The following KHDRBS2 variants were observed in gnomAD, a reference collection of about 807,000 sequenced individuals.
KHDRBS2 encodes the protein KH RNA binding domain containing, signal transduction associated 2, also known as KH domain-containing, RNA-binding, signal transduction-associated protein 2.
KHDRBS2 carries 26 observed loss-of-function variants against 44.3 expected under a neutral mutation model. That is an observed-to-expected ratio of 0.59 (90% confidence interval 0.43 to 0.81). KHDRBS2 has a LOEUF of 0.81. KHDRBS2 is among the 40% of genes least tolerant of loss of function. The probability of loss-of-function intolerance (pLI) is 0.00; values close to 1 mark genes in which losing one functional copy is unlikely to be tolerated. For missense variants in KHDRBS2, 476 were observed against 433.1 expected (o/e 1.10, Z -0.88); for synonymous variants, 194 against 151.1 (o/e 1.28, Z -2.08).
the KHDRBS2 span, among the ~76,000 whole-genome samples, chr6:61,581,872 CA>C: frequency 2.0e-5 from 3 of 151,124 alleles, no homozygotes; most frequent in Admixed American, 6.6e-5. Flanking sequence ...CATGAATCTT[CA>C]AAAATTTACC....
chr6:61,737,119 T>C (rs1439275031), intron 6 of KHDRBS2, among the ~76,000 whole-genome samples: 1 of 152,130 alleles, frequency 6.6e-6, no homozygotes, highest in Non-Finnish European at 1.5e-5. Context: ...ATGTTTCAAA[T>C]GATAAATATA....
chr6:61,955,288 G>T (rs1395269437), intron 4 of KHDRBS2, among the ~76,000 whole-genome samples: 13 of 129,254 alleles, frequency 1.0e-4, no homozygotes, highest in Admixed American at 7.0e-4. Flanking sequence ...ATACTCATAC[G>T]TATGTATGTA....
intron 5 of KHDRBS2, among the ~76,000 whole-genome samples, chr6:61,898,090 A>C: frequency 6.6e-6 from 1 of 152,204 alleles, no homozygotes; most frequent in South Asian, 2.1e-4. Context: ...GTTTTAATTA[A>C]ATACACTTTC....
chr6:61,549,146 G>A, the KHDRBS2 span, among the ~76,000 whole-genome samples: 1 of 152,120 alleles, frequency 6.6e-6, no homozygotes, highest in African/African-American at 2.4e-5. Flanking sequence ...ATTAAGGAGG[G>A]CATCTTCTTG....
the KHDRBS2 span, among the ~76,000 whole-genome samples, chr6:61,627,252 CAAAAAAAAAAAAAAAAA>C: frequency 2.1e-4 from 16 of 76,122 alleles, no homozygotes; most frequent in Non-Finnish European, 2.9e-4. Flanking sequence ...GACTCCGTCT[CAAAAAAAAAAAAAAAAA>C]AAAAAAAAAA....
chr6:62,099,810 A>T (rs553096480), intron 2 of KHDRBS2, among the ~76,000 whole-genome samples: 3 of 152,180 alleles, frequency 2.0e-5, no homozygotes, highest in African/African-American at 7.2e-5. Context: ...CATTGACAAC[A>T]CACCTAATCA....
chr6:62,180,557 T>A (rs1403559027), intron 1 of KHDRBS2, among the ~76,000 whole-genome samples: 1 of 151,754 alleles, frequency 6.6e-6, no homozygotes, highest in East Asian at 1.9e-4. Flanking sequence ...CAAAAATAAA[T>A]GAAAAGACAC....
At chr6:62,077,519 T>C (rs1796581120) in intron 2 of KHDRBS2, among the ~76,000 whole-genome samples, 1 of 152,044 alleles carries the variant, frequency 6.6e-6, no homozygotes, top group Non-Finnish European at 1.5e-5. Context: ...TGAGGCAATT[T>C]TCCAAGGTCT....
At chr6:62,022,757 T>A (rs1432856500) in intron 3 of KHDRBS2, among the ~76,000 whole-genome samples, 1 of 151,758 alleles carries the variant, frequency 6.6e-6, no homozygotes, top group African/African-American at 2.4e-5. Flanking sequence ...GAATTCTCAT[T>A]TCATCAATGT....
At chr6:62,189,219 G>A (rs922296890) in intron 1 of KHDRBS2, among the ~76,000 whole-genome samples, 2 of 152,044 alleles carry the variant, frequency 1.3e-5, no homozygotes, top group African/African-American at 2.4e-5. Flanking sequence ...GCCCTATGTA[G>A]AGGTCCATGT....
At chr6:61,835,715 G>GTGTA in intron 6 of KHDRBS2, among the ~76,000 whole-genome samples, 1 of 148,346 alleles carries the variant, frequency 6.7e-6, no homozygotes, top group Non-Finnish European at 1.5e-5. Flanking sequence ...GTGTGCGTGT[G>GTGTA]TGTGTGTGTG....
intron 6 of KHDRBS2, among the ~76,000 whole-genome samples, chr6:61,853,235 CTCTCTAGAGTCTA>C (rs770987561): frequency 4.5e-4 from 69 of 152,150 alleles, no homozygotes; most frequent in Non-Finnish European, 9.4e-4. Flanking sequence ...TAAGCTACAA[CTCTCTAGAGTCTA>C]TCTCCAAATC....
intron 4 of KHDRBS2, among the ~76,000 whole-genome samples, chr6:61,949,862 C>A (rs1383864463): frequency 6.6e-6 from 1 of 151,988 alleles, no homozygotes; most frequent in Non-Finnish European, 1.5e-5. Flanking sequence ...ATCTCCCATT[C>A]TTTTACCTCA....
intron 2 of KHDRBS2, among the ~76,000 whole-genome samples, chr6:62,105,625 C>T (rs1347377988): frequency 6.6e-6 from 1 of 152,052 alleles, no homozygotes; most frequent in Non-Finnish European, 1.5e-5. Context: ...GTGGTGATAT[C>T]CCCTTTATCA....
At chr6:62,007,265 C>T (rs1395896291) in intron 3 of KHDRBS2, among the ~76,000 whole-genome samples, 1 of 152,056 alleles carries the variant, frequency 6.6e-6, no homozygotes, top group Non-Finnish European at 1.5e-5. Context: ...TACTTTTCAA[C>T]ACCTTTAAAT....
At chr6:61,559,601 C>A in the KHDRBS2 span, among the ~76,000 whole-genome samples, 2 of 152,016 alleles carry the variant, frequency 1.3e-5, no homozygotes, top group Non-Finnish European at 2.9e-5. Context: ...TTGAAGTAAC[C>A]ATGAAGCTTG....
chr6:62,240,691 T>C (rs1349165509), intron 1 of KHDRBS2, among the ~76,000 whole-genome samples: 2 of 126,092 alleles, frequency 1.6e-5, no homozygotes, highest in Non-Finnish European at 3.4e-5. Flanking sequence ...TATATATATA[T>C]ATATATATAT....
chr6:62,050,437 A>G (rs1306431191), intron 2 of KHDRBS2, among the ~76,000 whole-genome samples: 1 of 151,972 alleles, frequency 6.6e-6, no homozygotes, highest in Non-Finnish European at 1.5e-5. Flanking sequence ...GTTAAAAAAA[A>G]AAAAGGGGGT....
chr6:61,597,732 T>TTA, the KHDRBS2 span, among the ~76,000 whole-genome samples: 1,017 of 37,356 alleles, frequency 0.027, 150 homozygotes, highest in Admixed American at 0.082. Context: ...TTTGCACCTT[T>TTA]TATATATATA....
Sources: allele counts gnomAD v4.1 joint callset (sites outside exome capture counted in the v4.1 genomes callset), GRCh38; gene constraint gnomAD v4.1.1; transcripts MANE v1.5; gene names NCBI Gene and HGNC (gene_info 2026-07-23, HGNC 2026-07-21).